CSMD1: variants seen among roughly 807,000 people sequenced by gnomAD.
CSMD1 encodes CUB and sushi domain-containing protein 1.
CSMD1 carries 213 observed loss-of-function variants against 417.5 expected under a neutral mutation model. The observed-to-expected ratio is 0.51, with a 90% confidence interval of 0.46 to 0.57. The LOEUF (loss-of-function observed/expected upper bound fraction) is 0.57. Ranked by LOEUF, CSMD1 falls within the 20% of genes least tolerant of loss-of-function variation. The pLI is 0.00. For synonymous variants in CSMD1, 2,862 were observed against 1,736.8 expected (o/e 1.65, Z -16.11); for missense variants, 6,923 against 4,529.7 (o/e 1.53, Z -15.17).
At chr8:4,326,655 T>A (rs1178197255) in intron 3 of CSMD1, among the ~76,000 whole-genome samples, 2 of 152,132 alleles carry the variant, frequency 1.3e-5, no homozygotes, top group South Asian at 2.1e-4. Flanking sequence ...TACCCAACGT[T>A]TCCTCAAAGA....
intron 4 of CSMD1, among the ~76,000 whole-genome samples, chr8:4,000,624 G>A (rs897810312): frequency 6.6e-6 from 1 of 152,068 alleles, no homozygotes; most frequent in Non-Finnish European, 1.5e-5. Context: ...AAGGGATGAG[G>A]TAAACAGGAT....
At chr8:4,129,524 G>C (rs534488417) in intron 3 of CSMD1, among the ~76,000 whole-genome samples, 39 of 152,156 alleles carry the variant, frequency 2.6e-4, no homozygotes, top group African/African-American at 9.2e-4. Flanking sequence ...CCAGGGCATA[G>C]GAATCCGATT....
chr8:2,935,388 G>C lies in CSMD1; in HGVS notation c.*3197C>G, dbSNP rs994245641. ...AAATTAAATATTTAATTAGAACTCTGATTTGCTTTAAAGATTGGTGGCATT... is the reference window on the plus strand; with the variant it reads ...AAATTAAATATTTAATTAGAACTCTCATTTGCTTTAAAGATTGGTGGCATT... On this transcript the variant is annotated 3_prime_UTR_variant, in exon 70 of 70. Transcript: ENST00000635120. 5 of 152,070 alleles carry C rather than the reference G, an allele frequency of 3.3e-5. No individual in the cohort carries two copies. The highest frequency in any genetic ancestry group is 3.2e-3 in the Middle Eastern group (1 of 316). 9.4% of individuals were successfully genotyped at this position (152,070 alleles called of 1,614,324 possible).
intron 1 of CSMD1, among the ~76,000 whole-genome samples, chr8:4,853,333 G>T (rs1343234135): frequency 6.6e-6 from 1 of 152,174 alleles, no homozygotes; most frequent in Non-Finnish European, 1.5e-5. Flanking sequence ...GGAATGCAAG[G>T]TGGCTGTTCC....
At chr8:3,382,240 G>A (rs964579001) in intron 18 of CSMD1, among the ~76,000 whole-genome samples, 1 of 151,302 alleles carries the variant, frequency 6.6e-6, no homozygotes, top group Non-Finnish European at 1.5e-5. Flanking sequence ...GCAGGAAAGG[G>A]AAAAAGTTAT....
intron 3 of CSMD1, among the ~76,000 whole-genome samples, chr8:4,159,102 G>T (rs958386296): frequency 3.3e-5 from 5 of 152,010 alleles, no homozygotes; most frequent in African/African-American, 7.2e-5. Flanking sequence ...TTTTAGTAGA[G>T]ACGAGGCTTC....
intron 23 of CSMD1, among the ~76,000 whole-genome samples, chr8:3,337,537 G>A (rs533624864): frequency 3.9e-5 from 6 of 152,288 alleles, no homozygotes; most frequent in South Asian, 2.1e-4. Flanking sequence ...GACAGAGGAT[G>A]TTCTCGGTAA....
At chr8:4,898,309 T>G (rs988641450) in intron 1 of CSMD1, among the ~76,000 whole-genome samples, 1 of 152,132 alleles carries the variant, frequency 6.6e-6, no homozygotes, top group East Asian at 1.9e-4. Flanking sequence ...CCAAGACACC[T>G]GTCATCTTTG....
intron 5 of CSMD1, among the ~76,000 whole-genome samples, chr8:3,906,356 G>T (rs1441524843): frequency 6.6e-5 from 10 of 152,092 alleles, no homozygotes; most frequent in African/African-American, 2.4e-4. Context: ...GTATACCTGA[G>T]TCACCTATAG....
intron 3 of CSMD1, among the ~76,000 whole-genome samples, chr8:4,323,684 G>A (rs1799394658): frequency 6.6e-6 from 1 of 152,120 alleles, no homozygotes; most frequent in South Asian, 2.1e-4. Flanking sequence ...GAATTATATA[G>A]GAAATGTATA....
At chr8:4,095,455 A>T (rs1800957817) in intron 3 of CSMD1, among the ~76,000 whole-genome samples, 1 of 152,174 alleles carries the variant, frequency 6.6e-6, no homozygotes, top group Admixed American at 6.6e-5. Flanking sequence ...TTGCAATTTG[A>T]GCATTTTGTA....
chr8:4,214,160 T>C (rs1167141396), intron 3 of CSMD1, among the ~76,000 whole-genome samples: 1 of 152,236 alleles, frequency 6.6e-6, no homozygotes, highest in East Asian at 1.9e-4. Context: ...CTCTACTTTG[T>C]ATTTTAATTT....
chr8:4,562,568 G>A (rs930449614), intron 2 of CSMD1, among the ~76,000 whole-genome samples: 1 of 152,092 alleles, frequency 6.6e-6, no homozygotes, highest in Non-Finnish European at 1.5e-5. Flanking sequence ...GAACAAAAAT[G>A]AGCATATCCT....
chr8:3,273,410 C>G (rs990470711), intron 26 of CSMD1, among the ~76,000 whole-genome samples: 1 of 152,126 alleles, frequency 6.6e-6, no homozygotes, highest in Non-Finnish European at 1.5e-5. Flanking sequence ...GGTTGTGTCT[C>G]TGCCAGGCTT....
chr8:4,127,266 C>G (rs1802819164), intron 3 of CSMD1, among the ~76,000 whole-genome samples: 1 of 151,934 alleles, frequency 6.6e-6, no homozygotes, highest in African/African-American at 2.4e-5. Flanking sequence ...GGCCCCGCTC[C>G]AGGTTATTCT....
intron 54 of CSMD1, among the ~76,000 whole-genome samples, chr8:2,979,026 G>A (rs1310886426): frequency 6.6e-6 from 1 of 152,156 alleles, no homozygotes; most frequent in Non-Finnish European, 1.5e-5. Context: ...TTTCACGTGA[G>A]GCTAATTTCC....
chr8:4,453,998 T>A (rs1254256693), intron 2 of CSMD1, among the ~76,000 whole-genome samples: 1 of 151,446 alleles, frequency 6.6e-6, no homozygotes, highest in Non-Finnish European at 1.5e-5. Flanking sequence ...ATTTTTTGTA[T>A]TTTTTAGTAG....
intron 53 of CSMD1, 88 bp from the exon 54 acceptor site, chr8:2,998,272 G>C: frequency 7.3e-7 from 1 of 1,372,242 alleles, no homozygotes; most frequent in Non-Finnish European, 1.0e-6. Context: ...ATGCAGGCAT[G>C]CTAACGGTAT....
intron 3 of CSMD1, among the ~76,000 whole-genome samples, chr8:4,241,096 G>C (rs542623340): frequency 1.6e-4 from 24 of 152,006 alleles, no homozygotes; most frequent in Non-Finnish European, 2.5e-4. Flanking sequence ...CCTCTACATA[G>C]AATCCTCTAA....
Sources: allele counts gnomAD v4.1 joint callset (sites outside exome capture counted in the v4.1 genomes callset), GRCh38; gene constraint gnomAD v4.1.1; transcripts MANE v1.5; gene names NCBI Gene and HGNC (gene_info 2026-07-23, HGNC 2026-07-21).